The following CAPN13 variants were observed in gnomAD, a reference collection of about 807,000 sequenced individuals.
CAPN13 encodes the protein calpain-13.
Under a neutral mutation model 98.4 loss-of-function variants are expected in CAPN13, and 90 were observed. The observed-to-expected ratio is 0.92, with a 90% CI of 0.77 to 1.09. The LOEUF is 1.09. Ranked by LOEUF, CAPN13 falls within the 50% of genes least tolerant of loss-of-function variation. The pLI is 0.00. For synonymous variants in CAPN13, 330 were observed against 305.5 expected, an observed-to-expected ratio of 1.08 and a Z score of -0.84; for missense variants, 887 against 841.3, an observed-to-expected ratio of 1.05 and a Z score of -0.67.
intron 1 of CAPN13, among the ~76,000 whole-genome samples, chr2:30,795,162 T>A (rs1399607054): frequency 6.6e-6 from 1 of 152,074 alleles, no homozygotes; most frequent in African/African-American, 2.4e-5. Flanking sequence ...ATGATTTATT[T>A]GTACTTCTCC....
In CAPN13 at chr2:30,736,290, C is replaced by T. The variant is rs549662176; in HGVS notation, c.1722+213G>A. On this transcript the variant is annotated intron_variant, in intron 18 of 22. Coordinates refer to ENST00000295055, the MANE Select transcript of CAPN13 (RefSeq NM_144575.3). ...GACAGCATTCTCCTCCCACCTCCAACGCATCCCTCATTCCGCCACCTAATT... is the reference window on the plus strand; with the variant it reads ...GACAGCATTCTCCTCCCACCTCCAATGCATCCCTCATTCCGCCACCTAATT... Among the ~76,000 whole-genome samples, 37 of 152,310 alleles carry T rather than the reference C, an allele frequency of 2.4e-4. 1 individual carries two copies. Among genetic ancestry groups the T allele is most frequent in the African/African-American group, 4.1e-4 (17 of 41,576 alleles).
chr2:30,788,924 C>T (rs1460148000), intron 1 of CAPN13, among the ~76,000 whole-genome samples: 1 of 152,152 alleles, frequency 6.6e-6, no homozygotes, highest in Non-Finnish European at 1.5e-5. Context: ...TTGGACCATA[C>T]AGAACTGCCA....
intron 7 of CAPN13, among the ~76,000 whole-genome samples, chr2:30,759,606 C>A (rs75440612): frequency 0.045 from 6,860 of 152,252 alleles, 208 homozygotes; most frequent in East Asian, 0.13. Context: ...GAAGACAAGC[C>A]GCAGGTGGAC....
intron 1 of CAPN13, among the ~76,000 whole-genome samples, chr2:30,799,905 C>T (rs1242917242): frequency 6.6e-6 from 1 of 152,016 alleles, no homozygotes; most frequent in East Asian, 1.9e-4. Context: ...AACCCCGTCT[C>T]TACTAAAAAT....
rs183229883 is a variant in CAPN13, at chr2:30,736,604, G to A, written c.1654-33C>T. 409 of 1,604,856 alleles carry A rather than the reference G, an allele frequency of 2.5e-4. 2 individuals are homozygous for A. In the African/African-American group the frequency reaches 3.7e-3, roughly 14 times the overall value. Reference sequence around the variant, plus strand: ...AGGAGTTAAGAGTGAACCAGCCAGCGTGCAAGGTGCAGAGGGGCTGCCATC... The same window carrying A: ...AGGAGTTAAGAGTGAACCAGCCAGCATGCAAGGTGCAGAGGGGCTGCCATC... On this transcript the variant is annotated intron_variant, in intron 17 of 22. Coordinates refer to ENST00000295055, the MANE Select transcript of CAPN13 (RefSeq NM_144575.3).
At chr2:30,783,493 G>T (rs1477582542) in intron 2 of CAPN13, among the ~76,000 whole-genome samples, 1 of 152,154 alleles carries the variant, frequency 6.6e-6, no homozygotes, top group East Asian at 1.9e-4. Context: ...TGGATTAATT[G>T]TTAGAGGAAG....
intron 12 of CAPN13, chr2:30,743,872 A>C (rs990505788): frequency 4.2e-5 from 21 of 500,520 alleles, no homozygotes; most frequent in Admixed American, 1.2e-4. Context: ...TTATATAGAG[A>C]GAAAACTTCC....
At chr2:30,745,101 C>T (rs1437124963) in intron 12 of CAPN13, 2 of 432,022 alleles carry the variant, frequency 4.6e-6, no homozygotes, top group South Asian at 1.7e-5. Context: ...CATCTGTGGT[C>T]CCCAGGCAGA....
intron 22 of CAPN13, among the ~76,000 whole-genome samples, chr2:30,726,570 G>A (rs180744523): frequency 1.2e-3 from 177 of 152,172 alleles, no homozygotes; most frequent in Non-Finnish European, 1.9e-3. Context: ...AATTTTTATT[G>A]CTGTACACTA....
At chr2:30,736,853 C>T (rs1447904028) in intron 17 of CAPN13, among the ~76,000 whole-genome samples, 4 of 152,346 alleles carry the variant, frequency 2.6e-5, no homozygotes, top group African/African-American at 9.6e-5. Context: ...ACACGGCCTT[C>T]ACCAGTTGGA....
chr2:30,747,258 A>G (rs1477946971), intron 11 of CAPN13, among the ~76,000 whole-genome samples: 1 of 152,152 alleles, frequency 6.6e-6, no homozygotes, highest in Non-Finnish European at 1.5e-5. Context: ...TGGGCTCCCT[A>G]TTTTATGGGT....
chr2:30,787,447 C>T (rs1674352708), intron 1 of CAPN13, 90 bp from the exon 2 acceptor site: 3 of 929,934 alleles, frequency 3.2e-6, no homozygotes, highest in African/African-American at 1.7e-5. Flanking sequence ...CTCTGATATA[C>T]CACCCTTTAC....
intron 22 of CAPN13, among the ~76,000 whole-genome samples, chr2:30,727,084 A>G (rs925723653): frequency 2.0e-5 from 3 of 152,224 alleles, no homozygotes; most frequent in Admixed American, 2.0e-4. Flanking sequence ...ACAAAGAAAC[A>G]GGAGAATGAA....
chr2:30,754,579 G>T lies in CAPN13; in HGVS notation c.867-215C>A, dbSNP rs1034585573. 2.0e-5 allele frequency among the ~76,000 whole-genome samples: 3 copies of T among 152,220 alleles called. No individual in the cohort carries two copies. The East Asian group carries it at 5.8e-4, about 29-fold the overall frequency. On this transcript the variant is annotated intron_variant, in intron 8 of 22. Transcript: ENST00000295055. ...GGTCTTCTTTCCTGAAGTCCAGATGGATTTATGCTGTAGTTCACCCCACAT... is the reference window on the plus strand; with the variant it reads ...GGTCTTCTTTCCTGAAGTCCAGATGTATTTATGCTGTAGTTCACCCCACAT...
Position 30,743,413 on chromosome 2 carries a change from C to T in CAPN13, c.1415G>A (p.Arg472Gln), listed in dbSNP as rs762095086. Residue 472 changes from arginine to glutamine, a missense_variant, in exon 13 of 23, where the codon CGA becomes CAA. Transcript: ENST00000295055. ...TRRKSAEFLL[R>Q]IFLKMPDSDR... ...ACTGTCTGGCATTTTCAGGAAGATT[C>T]GGAGCAAGAACTCCGCTGATTTTCT... 50 of 1,613,940 alleles carry T rather than the reference C, an allele frequency of 3.1e-5. No individual in the cohort carries two copies. The highest frequency in any genetic ancestry group is 6.7e-5 in the East Asian group (3 of 44,886).
intron 22 of CAPN13, among the ~76,000 whole-genome samples, chr2:30,724,966 A>C (rs1572769870): frequency 6.6e-6 from 1 of 152,240 alleles, no homozygotes; most frequent in African/African-American, 2.4e-5. Context: ...TAAATCCTGC[A>C]GAATAGGAGA....
In CAPN13 at chr2:30,751,193, G is replaced by C. The variant is rs1672159571; in HGVS notation, c.1146C>G (p.Thr382=). The part of the protein sequence containing the change: ...NFSVQEPMEG[T]NVVVCVTVAV... ...CAACTGTGACGCACACGACAACATT[G>C]GTGCCTTCCATTGGCTCTTGCACAG... Residue 382 remains threonine (T), a synonymous_variant, in exon 11 of 23, where the codon ACC becomes ACG. Transcript: ENST00000295055. 1.1e-5 allele frequency: 17 copies of C among 1,613,848 alleles called. No homozygotes were observed. In the East Asian group the frequency reaches 3.8e-4, roughly 36 times the overall value.
intron 9 of CAPN13, 47 bp downstream of exon 9, chr2:30,754,243 T>C: frequency 6.9e-7 from 1 of 1,455,582 alleles, no homozygotes; most frequent in Non-Finnish European, 9.4e-7. Context: ...ATTGAAGACT[T>C]GGGCAATAAA....
chr2:30,789,656 T>C (rs1674503283), intron 1 of CAPN13, among the ~76,000 whole-genome samples: 1 of 152,206 alleles, frequency 6.6e-6, no homozygotes, highest in African/African-American at 2.4e-5. Context: ...ATGATGATAC[T>C]ATTACACATG....
Sources: gnomAD v4.1 joint callset for allele counts (sites outside exome capture counted in the v4.1 genomes callset) on GRCh38, gnomAD v4.1.1 for gene constraint, MANE v1.5 for transcripts, NCBI Gene and HGNC (gene_info 2026-07-23, HGNC 2026-07-21) for gene names.